Variants in CDH18 observed in about 807,000 individuals in gnomAD.
The protein encoded by CDH18 is cadherin 18.
CDH18 carries 31 observed loss-of-function variants against 67.9 expected under a neutral mutation model. That is an observed-to-expected ratio of 0.46 (90% CI 0.34 to 0.62). The LOEUF (loss-of-function observed/expected upper bound fraction) is 0.62, where lower values mean the gene tolerates loss of function less well. Among genes scored for constraint, CDH18 ranks in the 20% least tolerant of loss-of-function variants. The pLI, the probability that CDH18 is intolerant of heterozygous loss-of-function variation, is 0.01. For missense variants in CDH18, 890 were observed against 975.5 expected (o/e 0.91, Z 1.17); for synonymous variants, 362 against 347.2 (o/e 1.04, Z -0.48).
chr5:19,562,788 T>C (rs765082995), intron 8 of CDH18, among the ~76,000 whole-genome samples: 2 of 152,132 alleles, frequency 1.3e-5, no homozygotes, highest in African/African-American at 2.4e-5. Context: ...AGTAAATGCA[T>C]AGATAAATTC....
At chr5:19,527,703 A>G (rs1254517091) in intron 9 of CDH18, among the ~76,000 whole-genome samples, 1 of 151,900 alleles carries the variant, frequency 6.6e-6, no homozygotes, top group Admixed American at 6.6e-5. Context: ...AAGCATTTAG[A>G]AACACATCAC....
chr5:19,757,692 C>T (rs1050550049), intron 3 of CDH18, among the ~76,000 whole-genome samples: 1 of 152,200 alleles, frequency 6.6e-6, no homozygotes, highest in South Asian at 2.1e-4. Flanking sequence ...ACCCACATAA[C>T]TCTTCCCCAA....
intron 2 of CDH18, among the ~76,000 whole-genome samples, chr5:20,079,519 T>A (rs192017744): frequency 6.6e-6 from 1 of 152,194 alleles, no homozygotes; most frequent in African/African-American, 2.4e-5. Flanking sequence ...GCAGTAAACA[T>A]GAGAATGCAG....
intron 1 of CDH18, among the ~76,000 whole-genome samples, chr5:20,389,551 G>A (rs1744644445): frequency 6.6e-6 from 1 of 151,784 alleles, no homozygotes; most frequent in African/African-American, 2.4e-5. Context: ...CCCAGAAAAT[G>A]GCCATACTGC....
intron 1 of CDH18, among the ~76,000 whole-genome samples, chr5:20,380,413 A>G (rs1743820095): frequency 6.6e-6 from 1 of 152,228 alleles, no homozygotes; most frequent in East Asian, 1.9e-4. Flanking sequence ...ATGGTTGTAA[A>G]GATTCAAAAT....
intron 2 of CDH18, among the ~76,000 whole-genome samples, chr5:20,058,529 A>T (rs1052884188): frequency 1.3e-5 from 2 of 152,152 alleles, no homozygotes; most frequent in African/African-American, 2.4e-5. Context: ...TTCAGGCTGC[A>T]TCTATTGAAG....
At chr5:20,392,400 T>G (rs1744937209) in intron 1 of CDH18, among the ~76,000 whole-genome samples, 1 of 151,932 alleles carries the variant, frequency 6.6e-6, no homozygotes, top group Non-Finnish European at 1.5e-5. Flanking sequence ...ATAGATTATC[T>G]TTATCCAATG....
intron 2 of CDH18, among the ~76,000 whole-genome samples, chr5:19,903,239 G>T (rs1390513957): frequency 6.6e-6 from 1 of 151,354 alleles, no homozygotes; most frequent in Non-Finnish European, 1.5e-5. Context: ...TTAATTAAAG[G>T]GGAAGTGTTA....
intron 5 of CDH18, among the ~76,000 whole-genome samples, chr5:19,717,222 T>C (rs1163112365): frequency 6.6e-6 from 1 of 152,088 alleles, no homozygotes; most frequent in Non-Finnish European, 1.5e-5. Context: ...TTCAGTATAC[T>C]TGTATGAAAT....
chr5:20,128,313 A>C (rs1460677201), intron 2 of CDH18, among the ~76,000 whole-genome samples: 1 of 152,120 alleles, frequency 6.6e-6, no homozygotes, highest in Non-Finnish European at 1.5e-5. Context: ...ATATGGTGCT[A>C]TTATTTTTAA....
chr5:20,270,604 A>C (rs530731740), intron 1 of CDH18, among the ~76,000 whole-genome samples: 1 of 152,244 alleles, frequency 6.6e-6, no homozygotes, highest in South Asian at 2.1e-4. Flanking sequence ...AAACAAAAAT[A>C]CCATTGGACT....
At chr5:19,965,858 C>A (rs1371219416) in intron 2 of CDH18, among the ~76,000 whole-genome samples, 1 of 152,020 alleles carries the variant, frequency 6.6e-6, no homozygotes, top group East Asian at 1.9e-4. Context: ...AGTGTATTGT[C>A]CCGCCATGTC....
intron 2 of CDH18, among the ~76,000 whole-genome samples, chr5:19,913,805 G>A (rs987004512): frequency 7.2e-5 from 11 of 151,956 alleles, no homozygotes; most frequent in African/African-American, 2.7e-4. Context: ...TGATAATTAC[G>A]CCACCATTGA....
At chr5:19,936,333 A>G (rs953311109) in intron 2 of CDH18, among the ~76,000 whole-genome samples, 19 of 151,290 alleles carry the variant, frequency 1.3e-4, no homozygotes, top group Non-Finnish European at 1.5e-5. Flanking sequence ...AAAATAATTA[A>G]TTATAAATGA....
At chr5:19,637,324 G>T (rs554770443) in intron 5 of CDH18, among the ~76,000 whole-genome samples, 15 of 152,164 alleles carry the variant, frequency 9.9e-5, no homozygotes, top group African/African-American at 3.6e-4. Flanking sequence ...TCACCAGGTG[G>T]ATTGTTTAGA....
chr5:20,236,332 A>G (rs1742473336), intron 2 of CDH18, among the ~76,000 whole-genome samples: 1 of 151,788 alleles, frequency 6.6e-6, no homozygotes, highest in African/African-American at 2.4e-5. Flanking sequence ...AGAAATAAAA[A>G]GAAGAAATAC....
intron 1 of CDH18, among the ~76,000 whole-genome samples, chr5:20,401,416 G>T (rs2150129687): frequency 6.6e-6 from 1 of 152,230 alleles, no homozygotes; most frequent in Middle Eastern, 3.4e-3. Context: ...CAAATGTTGA[G>T]TTTCCAACTT....
chr5:20,544,951 C>G (rs950928716), intron 1 of CDH18, among the ~76,000 whole-genome samples: 1 of 152,152 alleles, frequency 6.6e-6, no homozygotes, highest in African/African-American at 2.4e-5. Flanking sequence ...AAAAGCAAGT[C>G]AATTACTTCC....
intron 1 of CDH18, among the ~76,000 whole-genome samples, chr5:20,316,601 G>A (rs1737490312): frequency 6.6e-6 from 1 of 151,978 alleles, no homozygotes; most frequent in African/African-American, 2.4e-5. Flanking sequence ...GCTTTGTAAT[G>A]AGATAAGCCA....
Sources: allele counts gnomAD v4.1 joint callset (sites outside exome capture counted in the v4.1 genomes callset), GRCh38; gene constraint gnomAD v4.1.1; transcripts MANE v1.5; gene names NCBI Gene and HGNC (gene_info 2026-07-23, HGNC 2026-07-21).